ANKFN1: variants seen among roughly 807,000 people sequenced by gnomAD.
ANKFN1 encodes ankyrin repeat and fibronectin type-III domain-containing protein 1.
Under a neutral mutation model 108.7 loss-of-function variants are expected in ANKFN1, and 74 were observed. The observed-to-expected ratio is 0.68, with a 90% CI of 0.56 to 0.83. The LOEUF (loss-of-function observed/expected upper bound fraction) is 0.83, where lower values mean the gene tolerates loss of function less well. Ranked by LOEUF, ANKFN1 falls within the 40% of genes least tolerant of loss-of-function variation. ANKFN1 has a pLI of 0.00. For synonymous variants in ANKFN1, 547 were observed against 516.2 expected (o/e 1.06, Z -0.81); for missense variants, 1,505 against 1,382.3 (o/e 1.09, Z -1.41).
chr17:56,057,551 A>G (rs532079848), intron 4 of ANKFN1, among the ~76,000 whole-genome samples: 1 of 152,290 alleles, frequency 6.6e-6, no homozygotes, highest in South Asian at 2.1e-4. Flanking sequence ...TTTGAGAGGC[A>G]GAGGCGGGCA....
chr17:56,490,072 A>G (rs915413970), intron 18 of ANKFN1, among the ~76,000 whole-genome samples: 1 of 152,232 alleles, frequency 6.6e-6, no homozygotes, highest in African/African-American at 2.4e-5. Context: ...CATTTGGTCA[A>G]TAAACCTTAA....
At chr17:56,195,008 G>A (rs890654576) in intron 1 of ANKFN1, among the ~76,000 whole-genome samples, 4 of 152,188 alleles carry the variant, frequency 2.6e-5, no homozygotes, top group Non-Finnish European at 5.9e-5. Flanking sequence ...TTTCATGAAC[G>A]AAAGAGGGGA....
At chr17:56,167,318 C>CACAT (rs1461054331) in intron 1 of ANKFN1, among the ~76,000 whole-genome samples, 45 of 133,248 alleles carry the variant, frequency 3.4e-4, no homozygotes, top group Non-Finnish European at 5.5e-4. Flanking sequence ...CACACACACA[C>CACAT]ATATATATAT....
intron 4 of ANKFN1, among the ~76,000 whole-genome samples, chr17:56,130,903 G>T (rs528906486): frequency 6.6e-6 from 1 of 151,718 alleles, no homozygotes; most frequent in African/African-American, 2.4e-5. Flanking sequence ...GAGGCTGGCT[G>T]ATCTGGGTGT....
chr17:56,493,214 A>G (rs755999395), intron 19 of ANKFN1, among the ~76,000 whole-genome samples: 1 of 152,182 alleles, frequency 6.6e-6, no homozygotes, highest in Non-Finnish European at 1.5e-5. Flanking sequence ...TGTAAATACA[A>G]TTTGTAAAAT....
At chr17:56,326,930 A>G (rs1484213939) in intron 4 of ANKFN1, among the ~76,000 whole-genome samples, 1 of 152,212 alleles carries the variant, frequency 6.6e-6, no homozygotes, top group Non-Finnish European at 1.5e-5. Context: ...AAGGGAATCA[A>G]TGGACATGTA....
At chr17:56,502,207 C>A (rs773637703) in intron 20 of ANKFN1, among the ~76,000 whole-genome samples, 17 of 152,140 alleles carry the variant, frequency 1.1e-4, no homozygotes, top group East Asian at 7.7e-4. Flanking sequence ...GCTCACAGAA[C>A]CTTCCCAGTG....
intron 1 of ANKFN1, among the ~76,000 whole-genome samples, chr17:56,201,272 C>T (rs769630762): frequency 1.3e-5 from 2 of 152,176 alleles, no homozygotes; most frequent in Non-Finnish European, 2.9e-5. Flanking sequence ...GCCTTTACAT[C>T]GCTGTTCTTC....
intron 3 of ANKFN1, chr17:56,245,894 T>C (rs1917922270): frequency 6.6e-6 from 1 of 152,102 alleles, no homozygotes; most frequent in African/African-American, 2.4e-5. Context: ...TGTTACAATG[T>C]ATTAAAAAAG....
intron 4 of ANKFN1, among the ~76,000 whole-genome samples, chr17:56,136,344 AAAGAAAGGAGACT>A (rs1356975244): frequency 1.3e-5 from 2 of 152,204 alleles, no homozygotes; most frequent in Non-Finnish European, 2.9e-5. Flanking sequence ...TGTCTTTGGA[AAAGAAAGGAGACT>A]AAGGGAATGA....
intron 1 of ANKFN1, among the ~76,000 whole-genome samples, chr17:56,174,811 C>T (rs1281119290): frequency 2.0e-5 from 3 of 152,336 alleles, no homozygotes; most frequent in Admixed American, 1.3e-4. Flanking sequence ...TCCCCTCCCC[C>T]AGACTGAATG....
intron 16 of ANKFN1, among the ~76,000 whole-genome samples, chr17:56,478,758 C>T (rs1378386875): frequency 6.6e-6 from 1 of 151,972 alleles, no homozygotes; most frequent in Non-Finnish European, 1.5e-5. Context: ...CAGAATTCTT[C>T]AGACCTCAAA....
At chr17:56,232,837 C>T (rs1916841130) in intron 3 of ANKFN1, among the ~76,000 whole-genome samples, 1 of 152,076 alleles carries the variant, frequency 6.6e-6, no homozygotes. Context: ...TATCTGTGCC[C>T]TGTAGAAACT....
chr17:56,208,696 A>G (rs75439287), intron 1 of ANKFN1, among the ~76,000 whole-genome samples: 8 of 152,268 alleles, frequency 5.3e-5, no homozygotes, highest in African/African-American at 1.9e-4. Flanking sequence ...CATCCTTTAT[A>G]GTCCAATACA....
chr17:56,323,262 G>A (rs899748533), intron 3 of ANKFN1: 3 of 152,434 alleles, frequency 2.0e-5, no homozygotes, highest in African/African-American at 7.2e-5. Context: ...GCTGCCTTTA[G>A]ATCCCATCTC....
At chr17:56,123,692 G>T (rs1906750957) in intron 4 of ANKFN1, among the ~76,000 whole-genome samples, 1 of 152,058 alleles carries the variant, frequency 6.6e-6, no homozygotes, top group Admixed American at 6.5e-5. Context: ...GGAGTAATTA[G>T]GTGTAAAGAG....
At chr17:56,116,596 T>C (rs1270435299) in intron 4 of ANKFN1, among the ~76,000 whole-genome samples, 1 of 152,076 alleles carries the variant, frequency 6.6e-6, no homozygotes, top group Non-Finnish European at 1.5e-5. Flanking sequence ...CTCTTTTGCC[T>C]CCTCTCTCAT....
intron 20 of ANKFN1, 37 bp downstream of exon 20, chr17:56,499,135 C>A: frequency 6.6e-7 from 1 of 1,521,528 alleles, no homozygotes; most frequent in Non-Finnish European, 8.8e-7. Flanking sequence ...TGTTTAGTCC[C>A]TGGACTTTTG....
At chr17:56,388,827 T>C (rs1335167578) in intron 8 of ANKFN1, among the ~76,000 whole-genome samples, 1 of 152,110 alleles carries the variant, frequency 6.6e-6, no homozygotes, top group African/African-American at 2.4e-5. Flanking sequence ...AGGGTTGCCA[T>C]TAGGGAAATG....
Sources: gnomAD v4.1 joint callset for allele counts (sites outside exome capture counted in the v4.1 genomes callset) on GRCh38, gnomAD v4.1.1 for gene constraint, MANE v1.5 for transcripts, NCBI Gene and HGNC (gene_info 2026-07-23, HGNC 2026-07-21) for gene names.